SCGB2B2: variants seen among roughly 807,000 people sequenced by gnomAD.
SCGB2B2 encodes secretoglobin-like protein.
SCGB2B2 carries 11 observed loss-of-function variants against 7.6 expected under a neutral mutation model. The ratio of observed to expected loss-of-function variants is 1.45; its 90% CI spans 0.91 to 2.40. The LOEUF is 2.40. Among genes scored for constraint, SCGB2B2 ranks in the 30% most tolerant of loss-of-function variants. The pLI, the probability that SCGB2B2 is intolerant of heterozygous loss-of-function variation, is 0.00. For missense variants in SCGB2B2, 104 were observed against 115.4 expected, an observed-to-expected ratio of 0.90 and a Z score of 0.45; for synonymous variants, 50 against 48.6, an observed-to-expected ratio of 1.03 and a Z score of -0.12.
At chr19:34,661,207 G>T (rs1485051254) in intron 1 of SCGB2B2, among the ~76,000 whole-genome samples, 1 of 151,838 alleles carries the variant, frequency 6.6e-6, no homozygotes, top group East Asian at 1.9e-4. Context: ...AACCAACATG[G>T]CACATGTATA....
intron 1 of SCGB2B2, among the ~76,000 whole-genome samples, chr19:34,653,926 G>A (rs751232514): frequency 1.3e-5 from 2 of 150,134 alleles, no homozygotes; most frequent in African/African-American, 5.0e-5. Context: ...ATGCCTACTC[G>A]TACCACTCGT....
At chr19:34,658,356 G>T (rs2067340746) in intron 1 of SCGB2B2, among the ~76,000 whole-genome samples, 1 of 152,060 alleles carries the variant, frequency 6.6e-6, no homozygotes, top group Non-Finnish European at 1.5e-5. Context: ...CTGCTAGCAA[G>T]ACTAATAAAC....
In SCGB2B2 at chr19:34,608,543, C is replaced by G. The variant is rs374751876; in HGVS notation, c.-2031-11949G>C. 14 of 151,148 alleles carry G rather than the reference C, an allele frequency of 9.3e-5. 1 individual carries two copies. The highest frequency in any genetic ancestry group is 3.4e-4 in the African/African-American group (14 of 41,090). The allele number at this position is 151,148 out of a possible 1,614,324, so 9.4% of individuals were successfully genotyped here. On this transcript the variant is annotated intron_variant, in intron 1 of 3. Transcript: ENST00000601241. ...TTTAGCTTCGGCAGATGAGTGAGAA[C>G]ATGCAGCATTTATCTTCCTGTGCCT...
At chr19:34,616,396 T>C (rs1187317157) in intron 1 of SCGB2B2, among the ~76,000 whole-genome samples, 1 of 123,926 alleles carries the variant, frequency 8.1e-6, no homozygotes, top group South Asian at 2.7e-4. Flanking sequence ...TGGTGTGAGA[T>C]GGTATCTCAT....
At chr19:34,641,532 G>A (rs145947809) in intron 1 of SCGB2B2, among the ~76,000 whole-genome samples, 5 of 152,320 alleles carry the variant, frequency 3.3e-5, no homozygotes, top group East Asian at 1.9e-4. Flanking sequence ...TTGAGTCCTC[G>A]TGGAGCTGGT....
intron 1 of SCGB2B2, among the ~76,000 whole-genome samples, chr19:34,644,911 G>A (rs2066953011): frequency 1.3e-5 from 2 of 151,934 alleles, no homozygotes; most frequent in African/African-American, 2.4e-5. Flanking sequence ...ACCTGTGTGA[G>A]GGGCTTTATA....
At chr19:34,672,364 C>T (rs1304689572) in intron 1 of SCGB2B2, among the ~76,000 whole-genome samples, 1 of 151,892 alleles carries the variant, frequency 6.6e-6, no homozygotes. Context: ...TTACTATTTC[C>T]TTCTTGTTTT....
intron 1 of SCGB2B2, among the ~76,000 whole-genome samples, chr19:34,600,775 G>C (rs1437147316): frequency 6.6e-6 from 1 of 152,086 alleles, no homozygotes; most frequent in Admixed American, 6.6e-5. Flanking sequence ...TTCTTGGTAA[G>C]AGCCCTTGTT....
intron 1 of SCGB2B2, among the ~76,000 whole-genome samples, chr19:34,609,021 G>A (rs1206920236): frequency 6.6e-6 from 1 of 151,820 alleles, no homozygotes; most frequent in African/African-American, 2.4e-5. Context: ...TCCCTACTGA[G>A]GTGAGATGAT....
At chr19:34,664,511 T>C (rs888885123) in intron 1 of SCGB2B2, among the ~76,000 whole-genome samples, 2 of 152,178 alleles carry the variant, frequency 1.3e-5, no homozygotes, top group African/African-American at 4.8e-5. Context: ...GTGCCTTGGC[T>C]GAGGGACGTG....
chr19:34,598,770 T>C (rs1600036996), intron 1 of SCGB2B2, among the ~76,000 whole-genome samples: 1 of 152,190 alleles, frequency 6.6e-6, no homozygotes, highest in African/African-American at 2.4e-5. Context: ...CTGGGGCTGG[T>C]GTCTAAGATG....
At chr19:34,645,547 C>CAA (rs2066986013) in intron 1 of SCGB2B2, 1 of 70,886 alleles carries the variant, frequency 1.4e-5, no homozygotes, top group South Asian at 4.1e-4. Context: ...CACAGACACA[C>CAA]ACACACACAC....
chr19:34,661,505 A>G (rs1057497141), intron 1 of SCGB2B2, among the ~76,000 whole-genome samples: 1 of 152,246 alleles, frequency 6.6e-6, no homozygotes, highest in Non-Finnish European at 1.5e-5. Context: ...TCTAGGAACA[A>G]GGCCAAAGTA....
chr19:34,616,258 G>T (rs1270275), intron 1 of SCGB2B2, among the ~76,000 whole-genome samples: 42,734 of 143,854 alleles, frequency 0.3, 7,374 homozygotes, highest in Middle Eastern at 0.46. Context: ...CCTGAGGAAT[G>T]GCCACACTGA....
At chr19:34,621,560 A>T (rs2066243697) in intron 1 of SCGB2B2, among the ~76,000 whole-genome samples, 1 of 152,124 alleles carries the variant, frequency 6.6e-6, no homozygotes, top group South Asian at 2.1e-4. Flanking sequence ...CTGAGAAAAA[A>T]AAAAACCTTT....
chr19:34,657,503 A>G (rs1480336935), intron 1 of SCGB2B2, among the ~76,000 whole-genome samples: 1 of 151,886 alleles, frequency 6.6e-6, no homozygotes, highest in Non-Finnish European at 1.5e-5. Flanking sequence ...AGAGACAAAG[A>G]AGGCCACTAC....
rs528559175 is a variant in SCGB2B2, at chr19:34,623,884, A to T, written c.-2031-27290T>A. Among the ~76,000 whole-genome samples the T allele has an allele frequency of 1.7e-3, 255 of 152,284 alleles. 1 individual carries two copies. Among genetic ancestry groups the T allele is most frequent in the African/African-American group, 5.7e-3 (235 of 41,556 alleles). ...GGATTAAATGGCTGTCCTACCTTCG[A>T]TGAGGACAGTACTGAGCCTAGAATT... On this transcript the variant is annotated intron_variant, in intron 1 of 3. Coordinates refer to ENST00000601241, the MANE Select transcript of SCGB2B2 (RefSeq NM_001025591.4).
intron 1 of SCGB2B2, among the ~76,000 whole-genome samples, chr19:34,601,935 A>G (rs1225243754): frequency 5.9e-5 from 9 of 152,124 alleles, no homozygotes; most frequent in Admixed American, 4.6e-4. Flanking sequence ...TTATTTTATA[A>G]TAATTTTTAA....
At position 34,593,577 on chromosome 19, in the gene SCGB2B2, T is replaced by C. The variant is rs1327991965; in HGVS notation, c.269A>G (p.Asp90Gly). The C allele has an allele frequency of 2.6e-6, 4 of 1,553,756 alleles. No individual in the cohort carries two copies. The African/African-American group carries it at 4.1e-5, about 16-fold the overall frequency. ...VVIKKILQSNDCIEAAF is the reference protein window; with the variant it reads ...VVIKKILQSNGCIEAAF ...AGATCAGAAGGCTGCTTCTATGCAATCGTTGCTCTGAAGGATCTTCTTCTG... is the reference window on the plus strand; with the variant it reads ...AGATCAGAAGGCTGCTTCTATGCAACCGTTGCTCTGAAGGATCTTCTTCTG... The change falls in exon 4 of 4, where the codon GAT (aspartate) becomes GGT (glycine). Residue 90 changes from aspartate to glycine, a missense_variant. Asp to Gly is a moderately conservative substitution (Grantham distance 94). Transcript: ENST00000601241.
Sources: allele counts gnomAD v4.1 joint callset (sites outside exome capture counted in the v4.1 genomes callset), GRCh38; gene constraint gnomAD v4.1.1; transcripts MANE v1.5; gene names NCBI Gene and HGNC (gene_info 2026-07-23, HGNC 2026-07-21).